LRRTM4: variants seen among roughly 807,000 people sequenced by gnomAD.
The protein encoded by LRRTM4 is leucine-rich repeat transmembrane neuronal protein 4.
Under a neutral mutation model 47.6 loss-of-function variants are expected in LRRTM4, and 25 were observed. That is an observed-to-expected ratio of 0.53 (90% confidence interval 0.38 to 0.73). The LOEUF is 0.73. Among genes scored for constraint, LRRTM4 ranks in the 30% least tolerant of loss-of-function variants. The pLI is 0.00. For synonymous variants in LRRTM4, 311 were observed against 269.5 expected (o/e 1.15, Z -1.51); for missense variants, 638 against 713.4 (o/e 0.89, Z 1.20).
At chr2:76,997,102 A>G (rs1677230216) in intron 3 of LRRTM4, among the ~76,000 whole-genome samples, 1 of 152,122 alleles carries the variant, frequency 6.6e-6, no homozygotes, top group African/African-American at 2.4e-5. Context: ...TCTTATTTCA[A>G]AGTCAGTAAA....
At chr2:77,168,069 C>T (rs1672941613) in intron 3 of LRRTM4, among the ~76,000 whole-genome samples, 1 of 151,866 alleles carries the variant, frequency 6.6e-6, no homozygotes, top group Non-Finnish European at 1.5e-5. Flanking sequence ...TTTGCAATAC[C>T]CTTACTTTGG....
intron 3 of LRRTM4, among the ~76,000 whole-genome samples, chr2:76,887,514 T>A (rs1673115261): frequency 6.6e-6 from 1 of 150,548 alleles, no homozygotes; most frequent in Admixed American, 6.6e-5. Flanking sequence ...CACATATATA[T>A]ATCATATATG....
intron 3 of LRRTM4, among the ~76,000 whole-genome samples, chr2:76,900,358 T>C (rs1673581736): frequency 6.6e-6 from 1 of 152,060 alleles, no homozygotes; most frequent in Admixed American, 6.6e-5. Context: ...TTTAAATAGT[T>C]TGCAATATGT....
At chr2:77,435,313 T>G (rs1469269564) in intron 3 of LRRTM4, among the ~76,000 whole-genome samples, 2 of 152,168 alleles carry the variant, frequency 1.3e-5, no homozygotes, top group Admixed American at 1.3e-4. Context: ...TCCAACTAAT[T>G]AAAAGAATTG....
chr2:77,315,076 C>T (rs1433345017), intron 3 of LRRTM4, among the ~76,000 whole-genome samples: 2 of 152,128 alleles, frequency 1.3e-5, no homozygotes, highest in Non-Finnish European at 2.9e-5. Flanking sequence ...CAAATTACAA[C>T]AGGTTTATTA....
At chr2:76,825,239 G>C (rs1296637050) in intron 3 of LRRTM4, among the ~76,000 whole-genome samples, 1 of 151,644 alleles carries the variant, frequency 6.6e-6, no homozygotes, top group Non-Finnish European at 1.5e-5. Context: ...TATATGCTGG[G>C]TGGAGAACTG....
At chr2:77,311,222 A>C (rs952731443) in intron 3 of LRRTM4, among the ~76,000 whole-genome samples, 1 of 152,200 alleles carries the variant, frequency 6.6e-6, no homozygotes, top group African/African-American at 2.4e-5. Context: ...AGAGGTTTGC[A>C]AATGTTGTTA....
At chr2:77,132,209 T>G (rs1671820933) in intron 3 of LRRTM4, among the ~76,000 whole-genome samples, 1 of 152,180 alleles carries the variant, frequency 6.6e-6, no homozygotes, top group Non-Finnish European at 1.5e-5. Context: ...AAATCAACTT[T>G]TTTAGCTGCC....
chr2:77,368,384 C>A (rs368122881), intron 3 of LRRTM4, among the ~76,000 whole-genome samples: 5 of 151,864 alleles, frequency 3.3e-5, no homozygotes, highest in African/African-American at 1.2e-4. Context: ...TTAGTTCTTT[C>A]TTTTCCCTTG....
At chr2:77,036,973 G>A (rs11126579) in intron 3 of LRRTM4, among the ~76,000 whole-genome samples, 467 of 151,688 alleles carry the variant, frequency 3.1e-3, no homozygotes, top group African/African-American at 0.011. Context: ...AGAAATTGGA[G>A]ATGACTCAGA....
intron 3 of LRRTM4, among the ~76,000 whole-genome samples, chr2:76,860,123 A>C (rs1672269772): frequency 6.6e-6 from 1 of 152,164 alleles, no homozygotes; most frequent in African/African-American, 2.4e-5. Flanking sequence ...ACAAGAGTTG[A>C]ATAGTATATG....
chr2:76,823,411 A>C (rs954451328), intron 3 of LRRTM4, among the ~76,000 whole-genome samples: 2 of 151,452 alleles, frequency 1.3e-5, no homozygotes, highest in African/African-American at 2.4e-5. Context: ...ATTTATACCT[A>C]ACACACACAT....
intron 3 of LRRTM4, among the ~76,000 whole-genome samples, chr2:76,969,405 G>A (rs926166163): frequency 6.6e-6 from 1 of 151,790 alleles, no homozygotes; most frequent in African/African-American, 2.4e-5. Flanking sequence ...TCCCTCCAGA[G>A]GCAAATATTT....
chr2:77,320,597 G>A (rs987850831), intron 3 of LRRTM4, among the ~76,000 whole-genome samples: 5 of 152,114 alleles, frequency 3.3e-5, no homozygotes, highest in Non-Finnish European at 5.9e-5. Context: ...GTGGATATAA[G>A]AGAAATGGAG....
chr2:77,128,743 G>A (rs561234232), intron 3 of LRRTM4, among the ~76,000 whole-genome samples: 19 of 152,252 alleles, frequency 1.2e-4, no homozygotes, highest in East Asian at 9.7e-4. Flanking sequence ...GGGTTCAAGC[G>A]ATTCTCCTCC....
At chr2:76,751,759 G>T (rs1369333369) in intron 3 of LRRTM4, among the ~76,000 whole-genome samples, 1 of 152,088 alleles carries the variant, frequency 6.6e-6, no homozygotes, top group Non-Finnish European at 1.5e-5. Flanking sequence ...TTGGTGCCAT[G>T]GGTCACTTAT....
intron 3 of LRRTM4, among the ~76,000 whole-genome samples, chr2:77,033,155 G>C (rs964546162): frequency 6.6e-6 from 1 of 151,922 alleles, no homozygotes; most frequent in Non-Finnish European, 1.5e-5. Context: ...GCTACAGAGA[G>C]AGAACAATAA....
chr2:77,191,887 A>T (rs1673679678), intron 3 of LRRTM4, among the ~76,000 whole-genome samples: 1 of 152,042 alleles, frequency 6.6e-6, no homozygotes, highest in East Asian at 1.9e-4. Flanking sequence ...TATAATCACA[A>T]TATAGCTCCA....
chr2:76,902,534 C>G (rs560099196), intron 3 of LRRTM4, among the ~76,000 whole-genome samples: 1 of 152,204 alleles, frequency 6.6e-6, no homozygotes, highest in African/African-American at 2.4e-5. Flanking sequence ...GGATCTGAAT[C>G]TGGAATGTTA....
Sources: allele counts gnomAD v4.1 joint callset (sites outside exome capture counted in the v4.1 genomes callset), GRCh38; gene constraint gnomAD v4.1.1; transcripts MANE v1.5; gene names NCBI Gene and HGNC (gene_info 2026-07-23, HGNC 2026-07-21).